The following PKIG variants were observed in gnomAD, a reference collection of about 807,000 sequenced individuals.
PKIG encodes protein kinase (cAMP-dependent, catalytic) inhibitor gamma.
A neutral mutation model predicts 6.8 loss-of-function variants in PKIG; 1 was observed. The ratio of observed to expected loss-of-function variants is 0.15; its 90% CI spans 0.05 to 0.69. The LOEUF (loss-of-function observed/expected upper bound fraction) is 0.69, where lower values mean the gene tolerates loss of function less well. PKIG is among the 30% of genes least tolerant of loss of function. The pLI, the probability that PKIG is intolerant of heterozygous loss-of-function variation, is 0.82. For synonymous variants in PKIG, 39 were observed against 43.0 expected, an observed-to-expected ratio of 0.91 and a Z score of 0.36; for missense variants, 77 against 104.0, an observed-to-expected ratio of 0.74 and a Z score of 1.13.
chr20:44,562,368 T>C (rs1409965426), intron 1 of PKIG, among the ~76,000 whole-genome samples: 3 of 151,390 alleles, frequency 2.0e-5, no homozygotes, highest in Non-Finnish European at 2.9e-5. Flanking sequence ...CCCAGTACTT[T>C]GGGGGACCGA....
At chr20:44,582,469 G>C (rs1328092690), upstream of PKIG, 2 of 152,380 alleles carry the variant, frequency 1.3e-5, no homozygotes, top group African/African-American at 4.8e-5. Flanking sequence ...GAAACTGAGT[G>C]AGTGAGTTGT....
intron 2 of PKIG, among the ~76,000 whole-genome samples, chr20:44,600,655 G>A (rs1486746542): frequency 2.0e-5 from 3 of 151,852 alleles, no homozygotes; most frequent in Non-Finnish European, 4.4e-5. Flanking sequence ...AGACTAGGCT[G>A]GGCAGCATCG....
At chr20:44,592,126 C>T (rs2065038752) in intron 2 of PKIG, among the ~76,000 whole-genome samples, 1 of 152,182 alleles carries the variant, frequency 6.6e-6, no homozygotes, top group Non-Finnish European at 1.5e-5. Flanking sequence ...CCTTCTCAGC[C>T]TCATTTAGTT....
intron 1 of PKIG, among the ~76,000 whole-genome samples, chr20:44,542,838 C>T (rs2064574415): frequency 6.6e-6 from 1 of 152,162 alleles, no homozygotes; most frequent in South Asian, 2.1e-4. Context: ...AGTGATAGGC[C>T]CACCTCACCC....
Position 44,608,639 on chromosome 20 carries a change from A to C in PKIG, c.-23-5895A>C, listed in dbSNP as rs146406611. Among the ~76,000 whole-genome samples the C allele has an allele frequency of 1.1e-4, 16 of 152,084 alleles. 1 individual carries two copies. The East Asian group carries it at 2.9e-3, about 28-fold the overall frequency. On this transcript the variant is annotated intron_variant, in intron 2 of 3. Transcript: ENST00000372886. ...TGAGACCACCTTGGTTAACATAATG[A>C]GATTCCCATCCCTGAAAAAAAATGA...
At chr20:44,581,820 C>T (rs1210219871), upstream of PKIG, among the ~76,000 whole-genome samples, 1 of 152,170 alleles carries the variant, frequency 6.6e-6, no homozygotes, top group African/African-American at 2.4e-5. Flanking sequence ...TTCCCTCAAG[C>T]ATGTAGTTGG....
At chr20:44,600,567 T>C (rs1231936458) in intron 2 of PKIG, among the ~76,000 whole-genome samples, 4 of 151,950 alleles carry the variant, frequency 2.6e-5, no homozygotes, top group African/African-American at 9.7e-5. Flanking sequence ...AGGACCAGGC[T>C]GGGCACTGTT....
intron 3 of PKIG, among the ~76,000 whole-genome samples, chr20:44,616,324 T>C (rs1305087242): frequency 6.6e-6 from 1 of 152,176 alleles, no homozygotes; most frequent in East Asian, 1.9e-4. Context: ...GCACAGGCTC[T>C]GTGTCTTGTG....
At chr20:44,617,361 C>T (rs1362841063) in intron 3 of PKIG, among the ~76,000 whole-genome samples, 3 of 152,134 alleles carry the variant, frequency 2.0e-5, no homozygotes, top group African/African-American at 4.8e-5. Flanking sequence ...CCAGGCCCCA[C>T]GTGGTGCACC....
intron 3 of PKIG, among the ~76,000 whole-genome samples, chr20:44,615,653 T>G (rs1476029521): frequency 6.6e-6 from 1 of 152,144 alleles, no homozygotes; most frequent in Middle Eastern, 3.2e-3. Context: ...CCGTGTGTGC[T>G]TCTCACAGCA....
intron 1 of PKIG, among the ~76,000 whole-genome samples, chr20:44,583,805 C>T (rs1208375335): frequency 6.6e-6 from 1 of 152,106 alleles, no homozygotes; most frequent in Admixed American, 6.6e-5. Flanking sequence ...TGTATTGGGC[C>T]CTTATGGCTT....
chr20:44,592,341 C>CA (rs1470141813), intron 2 of PKIG, among the ~76,000 whole-genome samples: 1 of 152,150 alleles, frequency 6.6e-6, no homozygotes. Context: ...GCAGAGGACA[C>CA]AGAGGAATCA....
intron 3 of PKIG, among the ~76,000 whole-genome samples, chr20:44,617,028 A>G (rs1490064773): frequency 1.3e-5 from 2 of 152,234 alleles, no homozygotes; most frequent in African/African-American, 2.4e-5. Context: ...GGTGGCAGGC[A>G]GGGCTCTCCA....
At chr20:44,537,123 A>G (rs979482429) in intron 1 of PKIG, among the ~76,000 whole-genome samples, 2 of 150,696 alleles carry the variant, frequency 1.3e-5, no homozygotes, top group Admixed American at 1.3e-4. Context: ...ATTTTTTTTG[A>G]GATGGAGTTT....
chr20:44,554,695 T>G (rs1325156962), intron 1 of PKIG, among the ~76,000 whole-genome samples: 1 of 152,174 alleles, frequency 6.6e-6, no homozygotes, highest in Non-Finnish European at 1.5e-5. Flanking sequence ...AACTTGTTTT[T>G]AGCAGAGGAC....
intron 1 of PKIG, among the ~76,000 whole-genome samples, chr20:44,554,987 T>A (rs1238312257): frequency 6.6e-6 from 1 of 152,222 alleles, no homozygotes; most frequent in Non-Finnish European, 1.5e-5. Context: ...TTTTGGGTTT[T>A]ACAGATTTGT....
At chr20:44,534,167 A>C (rs1226080679) in intron 1 of PKIG, among the ~76,000 whole-genome samples, 1 of 152,210 alleles carries the variant, frequency 6.6e-6, no homozygotes, top group Non-Finnish European at 1.5e-5. Context: ...CTGTTGGCAA[A>C]GAGCCAGTGG....
intron 1 of PKIG, among the ~76,000 whole-genome samples, chr20:44,576,433 C>T (rs150479131): frequency 0.01 from 1,567 of 152,036 alleles, 7 homozygotes; most frequent in Non-Finnish European, 0.017. Flanking sequence ...GAGAAAAGGG[C>T]GCCCTAGGGA....
At chr20:44,558,555 T>C (rs951026279) in intron 1 of PKIG, among the ~76,000 whole-genome samples, 2 of 144,862 alleles carry the variant, frequency 1.4e-5, no homozygotes, top group African/African-American at 5.3e-5. Flanking sequence ...TCACATTTCT[T>C]TTTCTTTCTT....
Sources: allele counts gnomAD v4.1 joint callset (sites outside exome capture counted in the v4.1 genomes callset), GRCh38; gene constraint gnomAD v4.1.1; transcripts MANE v1.5; gene names NCBI Gene and HGNC (gene_info 2026-07-23, HGNC 2026-07-21).